Variants in SETD1B observed in about 807,000 individuals in gnomAD.
The protein encoded by SETD1B is SET domain containing 1B, histone lysine methyltransferase, also known as histone-lysine N-methyltransferase SETD1B.
In SETD1B, 7 loss-of-function variants were observed where a neutral mutation model predicts 148.0. That is an observed-to-expected ratio of 0.05 (90% CI 0.03 to 0.09). The LOEUF is 0.09. SETD1B is among the 10% of genes least tolerant of loss of function. The pLI is 1.00. For missense variants in SETD1B, 2,155 were observed against 2,729.9 expected (o/e 0.79, Z 4.69); for synonymous variants, 1,361 against 1,186.5 (o/e 1.15, Z -3.02).
At position 121,811,831 on chromosome 12, in the gene SETD1B, C is replaced by T. The variant is rs942624908; in HGVS notation, c.1890+996C>T. On this transcript the variant is annotated intron_variant, in intron 6 of 16. Coordinates refer to ENST00000604567, the MANE Select transcript of SETD1B (RefSeq NM_001353345.2). The stretch of plus-strand genomic sequence containing the variant: ...GGGAGGGTGCTGCAGGTGGCTGGGG[C>T]TCCAGGGGGCCTCCAAGCAGTTCTG... Among the ~76,000 whole-genome samples, 5 of 152,158 alleles carry T rather than the reference C, an allele frequency of 3.3e-5. No homozygotes were observed. The East Asian group carries it at 9.6e-4, about 29-fold the overall frequency.
chr12:121,826,741 C>T (rs7138525), intron 13 of SETD1B, among the ~76,000 whole-genome samples: 62,740 of 151,594 alleles, frequency 0.41, 15,554 homozygotes, highest in Middle Eastern at 0.6. Context: ...AGCTGGGCCG[C>T]GAGGAGCCAT....
chr12:121,818,592 C>T (rs1194811261), intron 10 of SETD1B, among the ~76,000 whole-genome samples: 2 of 151,518 alleles, frequency 1.3e-5, no homozygotes, highest in East Asian at 3.9e-4. Context: ...ATTTTTTTTA[C>T]AAAGTGAGCA....
In SETD1B at chr12:121,830,324, G is replaced by A. The variant is rs867936679; in HGVS notation, c.*85G>A. 62 of 1,344,068 alleles carry A rather than the reference G, an allele frequency of 4.6e-5. No homozygotes were observed. The highest frequency in any genetic ancestry group is 1.4e-4 in the Admixed American group (6 of 42,090). 83.3% of individuals were successfully genotyped at this position (1,344,068 alleles called of 1,614,324 possible). On this transcript the variant is annotated 3_prime_UTR_variant, in exon 17 of 17. Coordinates refer to ENST00000604567, the MANE Select transcript of SETD1B (RefSeq NM_001353345.2). The surrounding 1 kb of genome is among the most constrained non-coding windows in gnomAD (Gnocchi z 5.7). ...CCCTGGCCCCGGGGCCCGGCCCCCCGCGCCCGCCCCCATTTCAGGTGCTGT... is the reference window on the plus strand; with the variant it reads ...CCCTGGCCCCGGGGCCCGGCCCCCCACGCCCGCCCCCATTTCAGGTGCTGT...
At chr12:121,828,285 A>G (rs946085327) in intron 16 of SETD1B, among the ~76,000 whole-genome samples, 5 of 152,266 alleles carry the variant, frequency 3.3e-5, no homozygotes, top group African/African-American at 4.8e-5. Context: ...AAATGGGCAT[A>G]GTGAGACTTC....
rs367670977 is a variant in SETD1B at position 121,814,741 on chromosome 12, G to A, written c.2526G>A (p.Pro842=). The A allele has an allele frequency of 1.0e-4, 155 of 1,551,182 alleles. 1 individual carries two copies. In the African/African-American group the frequency reaches 1.8e-3, roughly 18 times the overall value. ...QHWPPLPKFD[P]SVPPPGYMPR... is the part of the protein sequence containing the mutation. ...GGCCACCACTGCCCAAGTTTGACCC[G>A]TCAGTGCCTCCACCAGGCTACATGC... Residue 842 remains proline (P), a synonymous_variant, in exon 7 of 17, where the codon CCG becomes CCA. Coordinates refer to ENST00000604567, the MANE Select transcript of SETD1B (RefSeq NM_001353345.2).
Position 121,823,118 on chromosome 12 carries a change from C to T in SETD1B, c.4539C>T (p.Pro1513=), listed in dbSNP as rs1278374571. 3 of 1,535,160 alleles carry T rather than the reference C, an allele frequency of 2.0e-6. No homozygotes were observed. The highest frequency in any genetic ancestry group is 1.4e-5 in the African/African-American group (1 of 72,906). The change falls in exon 12 of 17, where the codon CCC becomes CCT. Residue 1513 remains proline (P), a synonymous_variant. Transcript: ENST00000604567. ...LLPAPLASCP[P]PMKRKPGRPR... ...CCGCCCCCCTGGCCTCTTGCCCTCC[C>T]CCAATGAAGAGGAAGCCGGGCCGGC...
rs763132995 is a variant in SETD1B, at chr12:121,819,842, C to A, written c.3857C>A (p.Pro1286His). 1 of 1,551,458 alleles carries A rather than the reference C, an allele frequency of 6.4e-7. No individual in the cohort carries two copies. Among genetic ancestry groups the A allele is most frequent in the South Asian group, 1.2e-5 (1 of 84,060 alleles). The change falls in exon 11 of 17, where the codon CCC becomes CAC. Residue 1286 changes from proline to histidine, a missense_variant. Physicochemically the swap from Pro to His is moderately conservative, Grantham distance 77. Coordinates refer to ENST00000604567, the MANE Select transcript of SETD1B (RefSeq NM_001353345.2). ...GGGGCCATGTTGCTGTCTCCAGAGC[C>A]CCCTGCCAAGGAGGTGGAGGCTCGA... ...QEGAMLLSPE[P>H]PAKEVEARPP...
Position 121,810,846 on chromosome 12 carries a change from G to C in SETD1B, c.1890+11G>C. ...GAGAAGATGGATGAGGTACCACCGTGTCTGTCCATCTGTCTGGGACTGGTT... is the reference window on the plus strand; with the variant it reads ...GAGAAGATGGATGAGGTACCACCGTCTCTGTCCATCTGTCTGGGACTGGTT... On this transcript the variant is annotated intron_variant, in intron 6 of 16. Transcript: ENST00000604567. This position sits in a 1 kb window ranked among gnomAD's most constrained non-coding sequence, Gnocchi z 7.6. The C allele has an allele frequency of 1.3e-6, 2 of 1,484,220 alleles. No homozygotes were observed. Among genetic ancestry groups the C allele is most frequent in the Non-Finnish European group, 1.8e-6 (2 of 1,110,820 alleles). 91.9% of individuals were successfully genotyped at this position (1,484,220 alleles called of 1,614,324 possible).
the SETD1B span, among the ~76,000 whole-genome samples, chr12:121,794,803 G>A: frequency 6.6e-6 from 1 of 152,108 alleles, no homozygotes; most frequent in African/African-American, 2.4e-5. Flanking sequence ...GCCGGTCCAC[G>A]GCAGACAGGC....
rs1875657512 is a variant in SETD1B at position 121,805,055 on chromosome 12, G to T, written c.175-63G>T. On this transcript the variant is annotated intron_variant, in intron 2 of 16. Transcript: ENST00000604567. This position sits in a 1 kb window ranked among gnomAD's most constrained non-coding sequence, Gnocchi z 4.2. ...GGAGTTTGACAAGTGCCTCGAGAAAGGGGTCTGCCCATGGGGAGGGGGACC... is the reference window on the plus strand; with the variant it reads ...GGAGTTTGACAAGTGCCTCGAGAAATGGGTCTGCCCATGGGGAGGGGGACC... The T allele has an allele frequency of 1.1e-5, 16 of 1,508,202 alleles. No homozygotes were observed. Among genetic ancestry groups the T allele is most frequent in the Non-Finnish European group, 1.4e-5 (16 of 1,111,522 alleles). The allele number at this position is 1,508,202 out of a possible 1,614,324, so 93.4% of individuals were successfully genotyped here.
rs1876699554 is a variant in SETD1B, at chr12:121,823,676, C to T, written c.5097C>T (p.Val1699=). ...IDEEDIRFLC[V]TYERLLQQDN... ...AGGAGGACATCCGCTTCCTGTGTGTCACCTACGAGCGACTGCTACAGCAGG... is the reference window on the plus strand; with the variant it reads ...AGGAGGACATCCGCTTCCTGTGTGTTACCTACGAGCGACTGCTACAGCAGG... Residue 1699 remains valine (V), a synonymous_variant, in exon 12 of 17, where the codon GTC becomes GTT. Coordinates refer to ENST00000604567, the MANE Select transcript of SETD1B (RefSeq NM_001353345.2). 1.9e-6 allele frequency: 3 copies of T among 1,551,462 alleles called. No individual in the cohort carries two copies. The highest frequency in any genetic ancestry group is 2.6e-6 in the Non-Finnish European group (3 of 1,146,998).
chr12:121,796,811 G>A, the SETD1B span, among the ~76,000 whole-genome samples: 1 of 152,166 alleles, frequency 6.6e-6, no homozygotes, highest in African/African-American at 2.4e-5. Flanking sequence ...GGAGGCCGAG[G>A]TGGGCGGATC....
Position 121,805,224 on chromosome 12 carries a change from C to G in SETD1B, c.273+8C>G. ...TCGGTGCCCAAATTCAAGGTAGGAC[C>G]CCTCCCCACTGCCCCGCCGTCCCTC... On this transcript the variant is annotated splice_region_variant and intron_variant, in intron 3 of 16. Transcript: ENST00000604567. This position sits in a 1 kb window ranked among gnomAD's most constrained non-coding sequence, Gnocchi z 4.2. 2 of 1,547,038 alleles carry G rather than the reference C, an allele frequency of 1.3e-6. No individual in the cohort carries two copies. The highest frequency in any genetic ancestry group is 1.7e-6 in the Non-Finnish European group (2 of 1,144,554).
rs1876000762 is a variant in SETD1B, at chr12:121,810,857, T to C, written c.1890+22T>C. 6.8e-7 allele frequency: 1 copy of C among 1,464,238 alleles called. No individual in the cohort carries two copies. Among genetic ancestry groups the C allele is most frequent in the Non-Finnish European group, 9.1e-7 (1 of 1,102,560 alleles). The allele number at this position is 1,464,238 out of a possible 1,614,324, so 90.7% of individuals were successfully genotyped here. On this transcript the variant is annotated intron_variant, in intron 6 of 16. Coordinates refer to ENST00000604567, the MANE Select transcript of SETD1B (RefSeq NM_001353345.2). The surrounding 1 kb of genome is among the most constrained non-coding windows in gnomAD (Gnocchi z 7.6). ...TGAGGTACCACCGTGTCTGTCCATC[T>C]GTCTGGGACTGGTTTTGTCTATCTT...
chr12:121,825,987 C>T (rs770909014), intron 13 of SETD1B, among the ~76,000 whole-genome samples: 17 of 152,036 alleles, frequency 1.1e-4, no homozygotes, highest in Non-Finnish European at 2.1e-4. Context: ...CTGTTGAGTA[C>T]ATGCTGTGTA....
chr12:121,825,889 G>A lies in SETD1B; in HGVS notation c.5337+523G>A, dbSNP rs570998808. Among the ~76,000 whole-genome samples the A allele has an allele frequency of 9.5e-4, 145 of 152,066 alleles. 1 individual carries two copies. The highest frequency in any genetic ancestry group is 1.7e-3 in the Non-Finnish European group (116 of 67,990). ...TCGAACTCCTGACCTCAAGTAATTCGCCTGCCTTGGTCTCCCAAACTGCTG... is the reference window on the plus strand; with the variant it reads ...TCGAACTCCTGACCTCAAGTAATTCACCTGCCTTGGTCTCCCAAACTGCTG... On this transcript the variant is annotated intron_variant, in intron 13 of 16. Coordinates refer to ENST00000604567, the MANE Select transcript of SETD1B (RefSeq NM_001353345.2).
chr12:121,817,910 C>A lies in SETD1B; in HGVS notation c.3418+6C>A. ...CGAAGGGGACTCGGATGAAGGTGAG[C>A]AGGGAGGCCGTGGCTGCCTGGCCCT... On this transcript the variant is annotated splice_donor_region_variant and intron_variant, in intron 10 of 16. Coordinates refer to ENST00000604567, the MANE Select transcript of SETD1B (RefSeq NM_001353345.2). This position sits in a 1 kb window ranked among gnomAD's most constrained non-coding sequence, Gnocchi z 8.1. 6.5e-7 allele frequency: 1 copy of A among 1,534,058 alleles called. No individual in the cohort carries two copies. Among genetic ancestry groups the A allele is most frequent in the Non-Finnish European group, 8.8e-7 (1 of 1,137,784 alleles).
the SETD1B span, chr12:121,796,135 C>A: frequency 1.3e-5 from 2 of 152,630 alleles, no homozygotes; most frequent in African/African-American, 2.4e-5. Context: ...GGAGGCTGGG[C>A]CGCGCTGGGC....
At position 121,810,846 on chromosome 12, in the gene SETD1B, G is replaced by A. The variant is rs765494638; in HGVS notation, c.1890+11G>A. 6.7e-7 allele frequency: 1 copy of A among 1,484,220 alleles called. No individual in the cohort carries two copies. The highest frequency in any genetic ancestry group is 1.3e-5 in the South Asian group (1 of 74,988). The allele number at this position is 1,484,220 out of a possible 1,614,324, so 91.9% of individuals were successfully genotyped here. On this transcript the variant is annotated intron_variant, in intron 6 of 16. Transcript: ENST00000604567. This position sits in a 1 kb window ranked among gnomAD's most constrained non-coding sequence, Gnocchi z 7.6. ...GAGAAGATGGATGAGGTACCACCGT[G>A]TCTGTCCATCTGTCTGGGACTGGTT...
Sources: allele counts gnomAD v4.1 joint callset (sites outside exome capture counted in the v4.1 genomes callset), GRCh38; gene constraint gnomAD v4.1.1; non-coding constraint Gnocchi (gnomAD v3.1); transcripts MANE v1.5; gene names NCBI Gene and HGNC (gene_info 2026-07-23, HGNC 2026-07-21).